OR4D9: variants seen among roughly 807,000 people sequenced by gnomAD.
OR4D9 encodes olfactory receptor family 4 subfamily D member 9.
In OR4D9, 2 loss-of-function variants were observed where a neutral mutation model predicts 0.8. The ratio of observed to expected loss-of-function variants is 2.58; its 90% CI spans 1.06 to 8.13. The LOEUF is 8.13. Ranked by LOEUF, OR4D9 falls within the 30% of genes most tolerant of loss-of-function variation. The pLI is 0.04. For missense variants in OR4D9, 399 were observed against 384.7 expected, an observed-to-expected ratio of 1.04 and a Z score of -0.31; for synonymous variants, 146 against 151.2, an observed-to-expected ratio of 0.97 and a Z score of 0.25.
chr11:59,514,555 T>G (rs1409314161), intron 1 of OR4D9, 118 bp from the exon 2 acceptor site: 1 of 173,426 alleles, frequency 5.8e-6, no homozygotes, highest in African/African-American at 2.4e-5. Flanking sequence ...AATGATGCTT[T>G]TATGAACAGA....
intron 1 of OR4D9, among the ~76,000 whole-genome samples, chr11:59,512,552 A>C (rs1859343341): frequency 6.6e-6 from 1 of 151,794 alleles, no homozygotes; most frequent in Admixed American, 6.6e-5. Flanking sequence ...AGTTGGTCAC[A>C]GTGGCCCATG....
At position 59,515,729 on chromosome 11, in the gene OR4D9, G is replaced by T; in HGVS notation, c.817G>T (p.Val273Phe). 4 of 1,614,010 alleles carry T rather than the reference G, an allele frequency of 2.5e-6. No individual in the cohort carries two copies. The highest frequency in any genetic ancestry group is 3.4e-6 in the Non-Finnish European group (4 of 1,180,012). The change falls in exon 3 of 3, where the codon GTC becomes TTC. Residue 273 changes from valine to phenylalanine, a missense_variant. By Grantham distance (50) the Val-to-Phe change is conservative. Coordinates refer to ENST00000641962, the MANE Select transcript of OR4D9 (RefSeq NM_001004711.2). Reference sequence around the variant, plus strand: ...CCTCCCCACAGACACTGCCATCTCTGTCACCTTCACTGTCATCTCCCCTTT... The same window carrying T: ...CCTCCCCACAGACACTGCCATCTCTTTCACCTTCACTGTCATCTCCCCTTT... ...TALPTDTAIS[V>F]TFTVISPLLN...
rs1309207813 is a variant in OR4D9 at position 59,516,720 on chromosome 11, A to G, written c.*863A>G. ...TGAGGTGGAGGGATCACTTGAGCCC[A>G]AGAGTTCAAGACCAGCCTGGGCAAC... On this transcript the variant is annotated 3_prime_UTR_variant, in exon 3 of 3. Transcript: ENST00000641962. 2 of 151,666 alleles carry G rather than the reference A, an allele frequency of 1.3e-5. No individual in the cohort carries two copies. The highest frequency in any genetic ancestry group is 4.2e-4 in the South Asian group (2 of 4,788). 9.4% of individuals were successfully genotyped at this position (151,666 alleles called of 1,614,324 possible). A position where few individuals can be genotyped will look rare whatever the true frequency, so the allele number is the denominator to read the frequency against.
rs147595168 is a variant in OR4D9 at position 59,514,987 on chromosome 11, G to T, written c.75G>T (p.Gln25His). The change falls in exon 3 of 3, where the codon CAG becomes CAT. Residue 25 changes from glutamine (Q) to histidine (H), a missense_variant. Transcript: ENST00000641962. ...TTACTCAGTCCCGAGAACTGAGCCA[G>T]GTCTTATTTACCTTCCTGTTTTTGG... ...LGITQSRELS[Q>H]VLFTFLFLVY... is the part of the protein sequence containing the mutation. The T allele has an allele frequency of 1.4e-5, 23 of 1,614,070 alleles. No individual in the cohort carries two copies. Among genetic ancestry groups the T allele is most frequent in the Non-Finnish European group, 1.9e-5 (23 of 1,179,960 alleles).
rs927599912 is a variant in OR4D9 at position 59,517,126 on chromosome 11, C to T, written c.*1269C>T. 2 of 151,642 alleles carry T rather than the reference C, an allele frequency of 1.3e-5. No homozygotes were observed. The highest frequency in any genetic ancestry group is 2.9e-5 in the Non-Finnish European group (2 of 67,948). The allele number at this position is 151,642 out of a possible 1,614,324, so 9.4% of individuals were successfully genotyped here. A position where few individuals can be genotyped will look rare whatever the true frequency, so the allele number is the denominator to read the frequency against. On this transcript the variant is annotated 3_prime_UTR_variant, in exon 3 of 3. Transcript: ENST00000641962. ...AATTAACCAGACATGATGATGCACACCTGTAGTCCCAGCTACTTGAGAGAC... is the reference window on the plus strand; with the variant it reads ...AATTAACCAGACATGATGATGCACATCTGTAGTCCCAGCTACTTGAGAGAC...
rs200004408 is a variant in OR4D9 at position 59,512,204 on chromosome 11, T to TG, written c.-125+465dup. 1.2e-3 allele frequency among the ~76,000 whole-genome samples: 181 copies of TG among 152,058 alleles called. 3 individuals carry two copies. In the East Asian group the frequency reaches 0.028, roughly 24 times the overall value. On this transcript the variant is annotated intron_variant, in intron 1 of 2. Transcript: ENST00000641962. ...ATTTGCTCAATGGGATGCTGGGGTA[T>TG]GGGGGGGAATCCTCAGTTTGCAGGC...
chr11:59,515,935 C>T lies in OR4D9; in HGVS notation c.*78C>T. ...AATGGGAAAGGAGCTTGTTCATGCC[C>T]AAAACAAAGAGATACCTATGGCCAC... On this transcript the variant is annotated 3_prime_UTR_variant, in exon 3 of 3. Coordinates refer to ENST00000641962, the MANE Select transcript of OR4D9 (RefSeq NM_001004711.2). The T allele has an allele frequency of 9.3e-7, 1 of 1,071,862 alleles. No homozygotes were observed. Among genetic ancestry groups the T allele is most frequent in the Non-Finnish European group, 1.3e-6 (1 of 758,566 alleles). 66.4% of individuals were successfully genotyped at this position (1,071,862 alleles called of 1,614,324 possible).
At position 59,516,098 on chromosome 11, in the gene OR4D9, C is replaced by T; in HGVS notation, c.*241C>T. ...TCCACAAATTTTTATAGAGCATACA[C>T]TATATGTCTGAAAGTACTGGGATTC... On this transcript the variant is annotated 3_prime_UTR_variant, in exon 3 of 3. Transcript: ENST00000641962. 1 of 427,476 alleles carries T rather than the reference C, an allele frequency of 2.3e-6. No individual in the cohort carries two copies. Among genetic ancestry groups the T allele is most frequent in the Non-Finnish European group, 4.1e-6 (1 of 241,610 alleles). 26.5% of individuals were successfully genotyped at this position (427,476 alleles called of 1,614,324 possible). A position where few individuals can be genotyped will look rare whatever the true frequency, so the allele number is the denominator to read the frequency against.
At chr11:59,513,500 T>A (rs1055671261) in intron 1 of OR4D9, among the ~76,000 whole-genome samples, 1 of 152,222 alleles carries the variant, frequency 6.6e-6, no homozygotes, top group Admixed American at 6.5e-5. Context: ...CACAACATTA[T>A]GTTTGTGGGA....
Position 59,518,366 on chromosome 11 carries a change from G to A in OR4D9, c.*2509G>A, listed in dbSNP as rs1257664001. The A allele has an allele frequency of 6.6e-6, 1 of 152,198 alleles. No individual in the cohort carries two copies. The highest frequency in any genetic ancestry group is 1.5e-5 in the Non-Finnish European group (1 of 68,070). The allele number at this position is 152,198 out of a possible 1,614,324, so 9.4% of individuals were successfully genotyped here. On this transcript the variant is annotated 3_prime_UTR_variant, in exon 3 of 3. Coordinates refer to ENST00000641962, the MANE Select transcript of OR4D9 (RefSeq NM_001004711.2). ...CTGGTCTGCAGAAAGAGGGCACAGT[G>A]CCACACTGTCATTCAGAAATGCAGG...
chr11:59,513,232 G>A (rs1203597112), intron 1 of OR4D9, among the ~76,000 whole-genome samples: 2 of 152,000 alleles, frequency 1.3e-5, no homozygotes, highest in African/African-American at 2.4e-5. Context: ...GTGCCACCAC[G>A]CCCAGCTAAT....
rs1293428900 is a variant in OR4D9, at chr11:59,514,890, C to T, written c.-23C>T. On this transcript the variant is annotated 5_prime_UTR_variant, in exon 3 of 3. Coordinates refer to ENST00000641962, the MANE Select transcript of OR4D9 (RefSeq NM_001004711.2). ...CACTATTATTTCTTCCAGAGATGAACCTGATAAAGGATCTGTGATTCAATG... is the reference window on the plus strand; with the variant it reads ...CACTATTATTTCTTCCAGAGATGAATCTGATAAAGGATCTGTGATTCAATG... The T allele has an allele frequency of 2.8e-6, 4 of 1,436,256 alleles. No individual in the cohort carries two copies. In the East Asian group the frequency reaches 6.8e-5, roughly 24 times the overall value. 89.0% of individuals were successfully genotyped at this position (1,436,256 alleles called of 1,614,324 possible).
intron 1 of OR4D9, among the ~76,000 whole-genome samples, chr11:59,512,839 AC>A (rs1327946417): frequency 2.0e-5 from 3 of 151,864 alleles, no homozygotes; most frequent in Non-Finnish European, 3.0e-5. Flanking sequence ...TCTCAAAAAA[AC>A]AACAACACAA....
Position 59,515,357 on chromosome 11 carries a change from T to A in OR4D9, c.445T>A (p.Trp149Arg). The A allele has an allele frequency of 6.2e-7, 1 of 1,614,032 alleles. No individual in the cohort carries two copies. Among genetic ancestry groups the A allele is most frequent in the Non-Finnish European group, 8.5e-7 (1 of 1,179,984 alleles). ...ATGCACAGGCCTCATCGTGGCTTCC[T>A]GGGTGGGGGGCTTTGTCCACTCCAT... ...GRCTGLIVAS[W>R]VGGFVHSIAQ... The change falls in exon 3 of 3, where the codon TGG becomes AGG. Residue 149 changes from tryptophan (W) to arginine (R), a missense_variant. Coordinates refer to ENST00000641962, the MANE Select transcript of OR4D9 (RefSeq NM_001004711.2).
At position 59,515,776 on chromosome 11, in the gene OR4D9, G is replaced by A. The variant is rs145790540; in HGVS notation, c.864G>A (p.Thr288=). ...CTTTGCTCAATCCTATAATTTACACGCTGAGGAATCAGGAAATGAAGTTGG... is the reference window on the plus strand; with the variant it reads ...CTTTGCTCAATCCTATAATTTACACACTGAGGAATCAGGAAATGAAGTTGG... ...ISPLLNPIIY[T]LRNQEMKLAM... Residue 288 remains threonine (T), a synonymous_variant, in exon 3 of 3, where the codon ACG becomes ACA. Coordinates refer to ENST00000641962, the MANE Select transcript of OR4D9 (RefSeq NM_001004711.2). 523 of 1,614,024 alleles carry A rather than the reference G, an allele frequency of 3.2e-4. 3 individuals carry two copies. In the East Asian group the frequency reaches 5.0e-3, roughly 15 times the overall value.
In OR4D9 at chr11:59,520,396, T is replaced by C. The variant is rs989588774; in HGVS notation, c.*4539T>C. On this transcript the variant is annotated 3_prime_UTR_variant, in exon 3 of 3. Coordinates refer to ENST00000641962, the MANE Select transcript of OR4D9 (RefSeq NM_001004711.2). ...ATGTTCTGAATTTCTCACTCATAGA[T>C]GGGAATTGAACAATGAGAACACATG... The C allele has an allele frequency of 7.3e-6, 1 of 137,574 alleles. No individual in the cohort carries two copies. The highest frequency in any genetic ancestry group is 8.5e-5 in the Admixed American group (1 of 11,762). The allele number at this position is 137,574 out of a possible 1,614,324, so 8.5% of individuals were successfully genotyped here.
rs1238257615 is a variant in OR4D9, at chr11:59,519,985, T to C, written c.*4128T>C. The stretch of plus-strand genomic sequence containing the variant: ...ATCGAATACCACATGTTCTCACTTA[T>C]GGGTGAGAGCTAACCATCGATTTAC... On this transcript the variant is annotated 3_prime_UTR_variant, in exon 3 of 3. Coordinates refer to ENST00000641962, the MANE Select transcript of OR4D9 (RefSeq NM_001004711.2). The C allele has an allele frequency of 1.3e-5, 2 of 152,146 alleles. No homozygotes were observed. Among genetic ancestry groups the C allele is most frequent in the African/African-American group, 4.8e-5 (2 of 41,420 alleles). 9.4% of individuals were successfully genotyped at this position (152,146 alleles called of 1,614,324 possible).
In OR4D9 at chr11:59,515,400, T is replaced by C. The variant is rs753027928; in HGVS notation, c.488T>C (p.Leu163Ser). 1 of 1,614,164 alleles carries C rather than the reference T, an allele frequency of 6.2e-7. No homozygotes were observed. Among genetic ancestry groups the C allele is most frequent in the South Asian group, 1.1e-5 (1 of 91,076 alleles). The change falls in exon 3 of 3, where the codon TTG becomes TCG. Residue 163 changes from leucine to serine, a missense_variant. Leu to Ser is a moderately radical substitution (Grantham distance 145). Coordinates refer to ENST00000641962, the MANE Select transcript of OR4D9 (RefSeq NM_001004711.2). Reference protein sequence around the residue: ...FVHSIAQISLLLPLPFCGPNV... With the variant: ...FVHSIAQISLSLPLPFCGPNV... ...CACTCCATAGCGCAGATTTCTCTAT[T>C]GCTCCCACTCCCTTTCTGTGGACCC...
chr11:59,513,700 A>G (rs545804228), intron 1 of OR4D9, among the ~76,000 whole-genome samples: 79 of 152,236 alleles, frequency 5.2e-4, no homozygotes, highest in African/African-American at 1.8e-3. Flanking sequence ...TAAGAGGCCA[A>G]AGTAGGAAGA....
Sources: allele counts gnomAD v4.1 joint callset (sites outside exome capture counted in the v4.1 genomes callset), GRCh38; gene constraint gnomAD v4.1.1; transcripts MANE v1.5; gene names NCBI Gene and HGNC (gene_info 2026-07-23, HGNC 2026-07-21).